ZNF385D: variants seen among roughly 807,000 people sequenced by gnomAD.
ZNF385D encodes zinc finger protein 385D, also known as zinc finger protein 659.
In ZNF385D, 15 loss-of-function variants were observed where a neutral mutation model predicts 35.8. The ratio of observed to expected loss-of-function variants is 0.42; its 90% CI spans 0.28 to 0.64. The LOEUF is 0.64. ZNF385D is among the 30% of genes least tolerant of loss of function. The pLI, the probability that ZNF385D is intolerant of heterozygous loss-of-function variation, is 0.23. For synonymous variants in ZNF385D, 212 were observed against 186.8 expected (o/e 1.13, Z -1.10); for missense variants, 474 against 494.6 (o/e 0.96, Z 0.39).
intron 1 of ZNF385D, among the ~76,000 whole-genome samples, chr3:21,742,615 C>T (rs914067364): frequency 1.3e-5 from 2 of 152,154 alleles, no homozygotes; most frequent in Admixed American, 1.3e-4. Flanking sequence ...AAGGGAGAAA[C>T]CAGGGTATTT....
intron 3 of ZNF385D, among the ~76,000 whole-genome samples, chr3:21,999,343 T>C (rs1695690413): frequency 6.6e-6 from 1 of 152,140 alleles, no homozygotes; most frequent in Non-Finnish European, 1.5e-5. Flanking sequence ...TTTTTTTGCC[T>C]GTCACATCTG....
At chr3:21,891,212 T>A (rs1698843702) in intron 3 of ZNF385D, among the ~76,000 whole-genome samples, 1 of 152,312 alleles carries the variant, frequency 6.6e-6, no homozygotes, top group South Asian at 2.1e-4. Context: ...GATATTTCGT[T>A]ATTGTTATTA....
At chr3:21,958,753 T>C (rs1702421016) in intron 3 of ZNF385D, 2 of 141,114 alleles carry the variant, frequency 1.4e-5, no homozygotes, top group Non-Finnish European at 3.2e-5. Context: ...TGTAGAGTGA[T>C]GGCTTGCGGA....
At chr3:21,781,928 C>T (rs967080856) in intron 3 of ZNF385D, among the ~76,000 whole-genome samples, 14 of 152,032 alleles carry the variant, frequency 9.2e-5, no homozygotes, top group African/African-American at 3.4e-4. Context: ...GATGGAACAA[C>T]TAGCAACTTT....
chr3:21,710,161 G>C (rs1387817), intron 1 of ZNF385D, among the ~76,000 whole-genome samples: 1 of 152,126 alleles, frequency 6.6e-6, no homozygotes, highest in East Asian at 1.9e-4. Context: ...TAGAATAAAA[G>C]ACATGAAGGA....
chr3:22,325,616 G>A (rs553990570), intron 2 of ZNF385D, among the ~76,000 whole-genome samples: 13 of 152,066 alleles, frequency 8.5e-5, no homozygotes, highest in East Asian at 3.9e-4. Context: ...AAACTCAGCC[G>A]GGCATGGTGA....
intron 1 of ZNF385D, among the ~76,000 whole-genome samples, chr3:21,719,972 T>A (rs545705587): frequency 6.6e-6 from 1 of 152,300 alleles, no homozygotes; most frequent in South Asian, 2.1e-4. Context: ...GCCTATATTT[T>A]TTCATTTGAA....
At chr3:21,596,153 G>T (rs1046618651) in intron 2 of ZNF385D, among the ~76,000 whole-genome samples, 1 of 152,154 alleles carries the variant, frequency 6.6e-6, no homozygotes, top group Non-Finnish European at 1.5e-5. Flanking sequence ...ATACAGGAAA[G>T]AAAGTTATCC....
intron 2 of ZNF385D, among the ~76,000 whole-genome samples, chr3:22,325,803 G>A (rs1160592530): frequency 1.3e-5 from 2 of 151,516 alleles, no homozygotes; most frequent in East Asian, 3.9e-4. Flanking sequence ...CCTTCTCTTT[G>A]GGTATCATGA....
rs529975005 is a variant in ZNF385D at position 21,944,406 on chromosome 3, T to C, written c.325+224411A>G. 2.0e-5 allele frequency among the ~76,000 whole-genome samples: 3 copies of C among 152,320 alleles called. No individual in the cohort carries two copies. In the South Asian group the frequency reaches 6.2e-4, roughly 32 times the overall value. Reference sequence around the variant, plus strand: ...TGGGCAGTCAAGCTTTCATAGGGGATGATTCAACTTTGTCCGAGCACCAAT... The same window carrying C: ...TGGGCAGTCAAGCTTTCATAGGGGACGATTCAACTTTGTCCGAGCACCAAT... On this transcript the variant is annotated intron_variant, in intron 3 of 5. Coordinates refer to the ZNF385D transcript ENST00000494108.
At chr3:22,033,199 C>T (rs13067918) in intron 3 of ZNF385D, among the ~76,000 whole-genome samples, 19,951 of 151,720 alleles carry the variant, frequency 0.13, 1,703 homozygotes, top group South Asian at 0.29. Context: ...CTCAGGCATT[C>T]GAGACCAAAC....
intron 3 of ZNF385D, among the ~76,000 whole-genome samples, chr3:21,964,542 T>C (rs1702794674): frequency 8.0e-6 from 1 of 124,596 alleles, no homozygotes; most frequent in Admixed American, 9.5e-5. Flanking sequence ...CAGGCTGGTG[T>C]GCAGTGACAC....
intron 2 of ZNF385D, among the ~76,000 whole-genome samples, chr3:22,310,455 A>G (rs560019451): frequency 9.9e-5 from 15 of 152,014 alleles, no homozygotes; most frequent in Non-Finnish European, 1.3e-4. Flanking sequence ...TATCCAACTC[A>G]CTGTCAGTTT....
intron 3 of ZNF385D, among the ~76,000 whole-genome samples, chr3:21,954,841 C>T (rs1702215182): frequency 6.6e-6 from 1 of 152,068 alleles, no homozygotes; most frequent in South Asian, 2.1e-4. Flanking sequence ...CATCATATCA[C>T]AGCAACCACT....
chr3:21,799,396 G>T (rs1037539172), intron 3 of ZNF385D, among the ~76,000 whole-genome samples: 7 of 152,090 alleles, frequency 4.6e-5, no homozygotes, highest in Admixed American at 1.3e-4. Context: ...ATGTGTAAGC[G>T]TTCCAGTTTC....
chr3:22,259,979 A>G (rs1700537415), intron 2 of ZNF385D, among the ~76,000 whole-genome samples: 1 of 152,050 alleles, frequency 6.6e-6, no homozygotes, highest in Non-Finnish European at 1.5e-5. Flanking sequence ...TTGTTAGGAC[A>G]CGAAAAGGTC....
intron 3 of ZNF385D, among the ~76,000 whole-genome samples, chr3:21,945,299 A>T (rs1266316719): frequency 6.6e-6 from 1 of 152,076 alleles, no homozygotes; most frequent in Non-Finnish European, 1.5e-5. Flanking sequence ...GACTTAATAG[A>T]GTTTGTGAAT....
At chr3:22,215,745 A>ATTTGTACACACCCCC (rs1697835831) in intron 2 of ZNF385D, among the ~76,000 whole-genome samples, 2 of 151,492 alleles carry the variant, frequency 1.3e-5, no homozygotes, top group Non-Finnish European at 2.9e-5. Context: ...TGTGACCCAC[A>ATTTGTACACACCCCC]CCCTATTTGT....
intron 3 of ZNF385D, among the ~76,000 whole-genome samples, chr3:21,782,409 G>A (rs1257210929): frequency 6.6e-6 from 1 of 152,092 alleles, no homozygotes; most frequent in Non-Finnish European, 1.5e-5. Flanking sequence ...CTGAGGCATG[G>A]AGAGACTTAG....
Sources: allele counts gnomAD v4.1 joint callset (sites outside exome capture counted in the v4.1 genomes callset), GRCh38; gene constraint gnomAD v4.1.1; transcripts MANE v1.5; gene names NCBI Gene and HGNC (gene_info 2026-07-23, HGNC 2026-07-21).